The following GPBP1 variants were observed in gnomAD, a reference collection of about 807,000 sequenced individuals.
GPBP1 encodes the protein vasculin.
A neutral mutation model predicts 56.5 loss-of-function variants in GPBP1; 13 were observed. The observed-to-expected ratio is 0.23, with a 90% CI of 0.15 to 0.37. The LOEUF (loss-of-function observed/expected upper bound fraction) is 0.37. Ranked by LOEUF, GPBP1 falls within the 10% of genes least tolerant of loss-of-function variation. The probability of loss-of-function intolerance (pLI) is 1.00; values close to 1 mark genes in which losing one functional copy is unlikely to be tolerated. For synonymous variants in GPBP1, 204 were observed against 188.9 expected, an observed-to-expected ratio of 1.08 and a Z score of -0.66; for missense variants, 477 against 572.3, an observed-to-expected ratio of 0.83 and a Z score of 1.70.
At chr5:57,212,136 G>T (rs910939829) in intron 2 of GPBP1, among the ~76,000 whole-genome samples, 1 of 151,344 alleles carries the variant, frequency 6.6e-6, no homozygotes. Flanking sequence ...CACCATTTTG[G>T]CCAGGCCGAT....
chr5:57,181,852 G>C (rs115024293), intron 2 of GPBP1, among the ~76,000 whole-genome samples: 1,741 of 152,254 alleles, frequency 0.011, 31 homozygotes, highest in African/African-American at 0.04. Context: ...CTGGTAAACT[G>C]TTTTGTGGTT....
At chr5:57,208,350 C>T (rs1755325717) in intron 2 of GPBP1, among the ~76,000 whole-genome samples, 1 of 152,074 alleles carries the variant, frequency 6.6e-6, no homozygotes, top group Non-Finnish European at 1.5e-5. Flanking sequence ...CCTTCCGCCT[C>T]AGTGTCCCAA....
At chr5:57,202,408 C>T (rs773784097) in intron 2 of GPBP1, among the ~76,000 whole-genome samples, 1 of 152,088 alleles carries the variant, frequency 6.6e-6, no homozygotes, top group Non-Finnish European at 1.5e-5. Flanking sequence ...CCTGCCTCAG[C>T]GTCCTGAGTA....
At chr5:57,204,660 T>C (rs1755155616) in intron 2 of GPBP1, among the ~76,000 whole-genome samples, 1 of 152,216 alleles carries the variant, frequency 6.6e-6, no homozygotes, top group Admixed American at 6.5e-5. Flanking sequence ...TTGTTTAGAT[T>C]CAGGTTATTT....
rs187643469 is a variant in GPBP1 at position 57,251,860 on chromosome 5, C to A, written c.1160+719C>A. Reference sequence around the variant, plus strand: ...CTTACCAACACATGGTACCATCTATCTTTGATTACAGTCATTCTAGTGGGT... The same window carrying A: ...CTTACCAACACATGGTACCATCTATATTTGATTACAGTCATTCTAGTGGGT... On this transcript the variant is annotated intron_variant, in intron 10 of 11. Coordinates refer to ENST00000506184, the MANE Select transcript of GPBP1 (RefSeq NM_022913.4). 2.0e-5 allele frequency among the ~76,000 whole-genome samples: 3 copies of A among 152,218 alleles called. No homozygotes were observed. The East Asian group carries it at 5.8e-4, about 29-fold the overall frequency.
intron 2 of GPBP1, among the ~76,000 whole-genome samples, chr5:57,177,101 CTTAAGAAAATATGAGTATACAT>C (rs1753817616): frequency 6.6e-6 from 1 of 152,096 alleles, no homozygotes; most frequent in South Asian, 2.1e-4. Context: ...TTTAAAATAA[CTTAAGAAAATATGAGTATACAT>C]TTTTTTTTCC....
chr5:57,182,903 G>A (rs575443861), intron 2 of GPBP1, among the ~76,000 whole-genome samples: 4 of 152,016 alleles, frequency 2.6e-5, no homozygotes, highest in South Asian at 2.1e-4. Flanking sequence ...GGCTAGTCTC[G>A]AACTCCTAAT....
chr5:57,217,027 A>G (rs960349123), intron 3 of GPBP1, among the ~76,000 whole-genome samples: 5 of 152,236 alleles, frequency 3.3e-5, no homozygotes, highest in African/African-American at 7.2e-5. Context: ...ATTTACAGAC[A>G]TTCAAGGAGA....
chr5:57,181,675 G>A (rs948383388), intron 2 of GPBP1, among the ~76,000 whole-genome samples: 3 of 151,868 alleles, frequency 2.0e-5, no homozygotes, highest in Non-Finnish European at 4.4e-5. Context: ...TACCCACCTC[G>A]GCCTCCCAAA....
At position 57,175,948 on chromosome 5, in the gene GPBP1, TC is replaced by T; in HGVS notation, c.-508del. 1 of 398,612 alleles carries T rather than the reference TC, an allele frequency of 2.5e-6. No homozygotes were observed. Among genetic ancestry groups the T allele is most frequent in the Non-Finnish European group, 4.4e-6 (1 of 226,054 alleles). 24.7% of individuals were successfully genotyped at this position (398,612 alleles called of 1,614,324 possible). A position where few individuals can be genotyped will look rare whatever the true frequency, so the allele number is the denominator to read the frequency against. On this transcript the variant is annotated 5_prime_UTR_variant, in exon 2 of 12. It removes the in-frame stop codon of an upstream open reading frame in the 5' UTR. Transcript: ENST00000506184. ...AGATTGAAAGAATACAGAGTTTTTT[TC>T]CTTTTATCTTTTATTTACGTGGAAA...
At chr5:57,216,248 C>G (rs1755693646) in intron 3 of GPBP1, among the ~76,000 whole-genome samples, 1 of 152,112 alleles carries the variant, frequency 6.6e-6, no homozygotes, top group South Asian at 2.1e-4. Context: ...GGCAGTCTGC[C>G]TCTCCCAGTA....
At position 57,216,866 on chromosome 5, in the gene GPBP1, C is replaced by A. The variant is rs551364826; in HGVS notation, c.63+2673C>A. Among the ~76,000 whole-genome samples the A allele has an allele frequency of 1.1e-4, 8 of 72,370 alleles. No homozygotes were observed. In the East Asian group the frequency reaches 2.7e-3, roughly 24 times the overall value. The allele number at this position is 72,370 out of a possible 152,430, so 47.5% of individuals were successfully genotyped here. ...TCAAAGCCTTTTCATATATCTGGAA[C>A]GCTTTTTTTTTTTCATATAAATAAG... is the stretch of plus-strand genomic sequence containing the variant. On this transcript the variant is annotated intron_variant, in intron 3 of 11. Transcript: ENST00000506184.
chr5:57,213,005 A>G (rs2111759344), intron 2 of GPBP1, among the ~76,000 whole-genome samples: 1 of 151,966 alleles, frequency 6.6e-6, no homozygotes, highest in Admixed American at 6.6e-5. Flanking sequence ...ATTTTAGAAC[A>G]GTCCAGATGT....
intron 2 of GPBP1, among the ~76,000 whole-genome samples, chr5:57,180,022 AC>A (rs1753972631): frequency 6.6e-6 from 1 of 152,100 alleles, no homozygotes; most frequent in African/African-American, 2.4e-5. Context: ...GAAAAAAAAA[AC>A]TGGGGAGAGT....
chr5:57,238,511 T>C (rs1484116855), intron 6 of GPBP1, among the ~76,000 whole-genome samples: 1 of 152,008 alleles, frequency 6.6e-6, no homozygotes, highest in Non-Finnish European at 1.5e-5. Context: ...TGAGCCGAGG[T>C]CGCACCATTG....
intron 10 of GPBP1, among the ~76,000 whole-genome samples, chr5:57,256,431 T>C (rs1275775807): frequency 6.6e-6 from 1 of 152,222 alleles, no homozygotes; most frequent in Non-Finnish European, 1.5e-5. Context: ...TACATTGTTT[T>C]CGTCTTTTTA....
At chr5:57,221,425 G>T in intron 3 of GPBP1, 1 of 1,426,860 alleles carries the variant, frequency 7.0e-7, no homozygotes, top group Non-Finnish European at 9.6e-7. Context: ...ATATTGAACA[G>T]ATATTGAAAA....
At chr5:57,208,312 C>T (rs1755323514) in intron 2 of GPBP1, among the ~76,000 whole-genome samples, 1 of 152,126 alleles carries the variant, frequency 6.6e-6, no homozygotes, top group African/African-American at 2.4e-5. Context: ...TGGCTCACTG[C>T]AACCTCCACT....
chr5:57,222,380 T>C (rs1020140360), intron 3 of GPBP1, among the ~76,000 whole-genome samples: 1 of 152,238 alleles, frequency 6.6e-6, no homozygotes, highest in African/African-American at 2.4e-5. Flanking sequence ...GTATCAGACT[T>C]TAAAATTCAT....
Sources: gnomAD v4.1 joint callset for allele counts (sites outside exome capture counted in the v4.1 genomes callset) on GRCh38, gnomAD v4.1.1 for gene constraint, MANE v1.5 for transcripts, NCBI Gene and HGNC (gene_info 2026-07-23, HGNC 2026-07-21) for gene names.